The following HOPX variants were observed in gnomAD, a reference collection of about 807,000 sequenced individuals.
The protein encoded by HOPX is HOP homeobox.
A neutral mutation model predicts 11.8 loss-of-function variants in HOPX; 5 were observed. That is an observed-to-expected ratio of 0.43 (90% CI 0.22 to 0.89). The LOEUF (loss-of-function observed/expected upper bound fraction) is 0.89, where lower values mean the gene tolerates loss of function less well. Ranked by LOEUF, HOPX falls within the 40% of genes least tolerant of loss-of-function variation. The pLI, the probability that HOPX is intolerant of heterozygous loss-of-function variation, is 0.28. For missense variants in HOPX, 119 were observed against 120.0 expected (o/e 0.99, Z 0.04); for synonymous variants, 49 against 49.7 (o/e 0.99, Z 0.06).
chr4:56,655,768 G>A (rs1373541270), intron 3 of HOPX, 89 bp downstream of exon 3: 1 of 1,434,382 alleles, frequency 7.0e-7, no homozygotes, highest in Non-Finnish European at 9.5e-7. Flanking sequence ...GCAGCCCGGC[G>A]GGAGGCGCGG....
chr4:56,671,335 C>A (rs1718723329), intron 1 of HOPX, among the ~76,000 whole-genome samples: 1 of 152,010 alleles, frequency 6.6e-6, no homozygotes, highest in African/African-American at 2.4e-5. Flanking sequence ...CTGTCTACTG[C>A]AAGCAGACAG....
intron 1 of HOPX, chr4:56,662,498 T>C (rs1718201264): frequency 1.3e-5 from 2 of 150,842 alleles, no homozygotes; most frequent in African/African-American, 4.9e-5. Flanking sequence ...TTTTTTTTTT[T>C]AGACGGAGTC....
intron 1 of HOPX, among the ~76,000 whole-genome samples, chr4:56,662,059 A>C (rs1440281203): frequency 6.6e-6 from 1 of 152,224 alleles, no homozygotes; most frequent in Non-Finnish European, 1.5e-5. Context: ...AAAACCACAG[A>C]GATAGATTGA....
Position 56,656,024 on chromosome 4 carries a change from G to T in HOPX, c.43-12C>A. 1 of 1,564,340 alleles carries T rather than the reference G, an allele frequency of 6.4e-7. No individual in the cohort carries two copies. The highest frequency in any genetic ancestry group is 8.7e-7 in the Non-Finnish European group (1 of 1,155,240). ...ATGGTCCCTGCGCGCTGCGGGGCAGGGAGAAGCGGCGGCGGTGAGCGAGGC... is the reference window on the plus strand; with the variant it reads ...ATGGTCCCTGCGCGCTGCGGGGCAGTGAGAAGCGGCGGCGGTGAGCGAGGC... On this transcript the variant is annotated splice_polypyrimidine_tract_variant and intron_variant, in intron 2 of 3. Coordinates refer to ENST00000420433, the MANE Select transcript of HOPX (RefSeq NM_032495.6).
intron 1 of HOPX, among the ~76,000 whole-genome samples, chr4:56,661,477 A>G (rs1179632692): frequency 2.0e-5 from 3 of 152,208 alleles, no homozygotes; most frequent in Non-Finnish European, 4.4e-5. Flanking sequence ...GTAGGGGTAG[A>G]ACTCCTGGTT....
chr4:56,670,254 T>C (rs1195905110), intron 1 of HOPX, among the ~76,000 whole-genome samples: 1 of 152,086 alleles, frequency 6.6e-6, no homozygotes, highest in Non-Finnish European at 1.5e-5. Context: ...TCAAACCAGG[T>C]AATAGAGAAG....
intron 1 of HOPX, among the ~76,000 whole-genome samples, chr4:56,677,304 C>G (rs1719068821): frequency 1.3e-5 from 2 of 151,714 alleles, no homozygotes; most frequent in African/African-American, 4.9e-5. Flanking sequence ...ATACTGAAAA[C>G]CCACAATCTT....
chr4:56,673,767 T>A lies in HOPX; in HGVS notation c.-84+7488A>T, dbSNP rs562568626. On this transcript the variant is annotated intron_variant, in intron 1 of 3. Coordinates refer to ENST00000420433, the MANE Select transcript of HOPX (RefSeq NM_032495.6). ...TCACCCAGACTGGAGTGCAGTGCTG[T>A]GATCTTGGCTCCCTGCAGCCTTCGC... is the stretch of plus-strand genomic sequence containing the variant. Among the ~76,000 whole-genome samples, 5 of 152,302 alleles carry A rather than the reference T, an allele frequency of 3.3e-5. No individual in the cohort carries two copies. The East Asian group carries it at 9.6e-4, about 29-fold the overall frequency.
intron 1 of HOPX, chr4:56,679,191 G>C (rs991278462): frequency 6.6e-6 from 1 of 152,182 alleles, no homozygotes; most frequent in Non-Finnish European, 1.5e-5. Flanking sequence ...GCAGTGAGCC[G>C]AGATCGTGCT....
At chr4:56,659,035 G>A (rs1463434282) in intron 1 of HOPX, 2 of 152,214 alleles carry the variant, frequency 1.3e-5, no homozygotes, top group East Asian at 1.9e-4. Context: ...TTATAAACTA[G>A]CTCACAAAAA....
intron 1 of HOPX, among the ~76,000 whole-genome samples, chr4:56,675,412 G>T (rs1476168759): frequency 6.6e-6 from 1 of 151,538 alleles, no homozygotes; most frequent in Non-Finnish European, 1.5e-5. Flanking sequence ...GTAAAAGGAG[G>T]TGCTATTAAT....
chr4:56,667,098 A>T (rs1013662269), intron 1 of HOPX, among the ~76,000 whole-genome samples: 36 of 152,330 alleles, frequency 2.4e-4, no homozygotes, highest in African/African-American at 8.7e-4. Context: ...CACAACTTCA[A>T]CGTGTCCAGG....
intron 3 of HOPX, among the ~76,000 whole-genome samples, chr4:56,651,471 T>C (rs1717163827): frequency 6.6e-6 from 1 of 152,208 alleles, no homozygotes; most frequent in South Asian, 2.1e-4. Flanking sequence ...TCCACCTGGC[T>C]TTATCCTTCT....
Position 56,655,873 on chromosome 4 carries a change from G to T in HOPX, c.182C>A (p.Ser61Tyr), listed in dbSNP as rs1193194057. The stretch of plus-strand genomic sequence containing the variant: ...GGGACGCACCTGGGTCTCCTCCTCG[G>T]AAAGGCCTGCCTCGGCCGCGATGAG... ...LCLIAAEAGLSEEETQKWFKQ... is the reference protein window; with the variant it reads ...LCLIAAEAGLYEEETQKWFKQ... The change falls in exon 3 of 4, where the codon TCC becomes TAC. Residue 61 changes from serine to tyrosine, a missense_variant. Physicochemically the swap from Ser to Tyr is moderately radical, Grantham distance 144. Transcript: ENST00000420433. 1 of 1,611,580 alleles carries T rather than the reference G, an allele frequency of 6.2e-7. No homozygotes were observed. The highest frequency in any genetic ancestry group is 8.5e-7 in the Non-Finnish European group (1 of 1,178,944).
intron 3 of HOPX, chr4:56,650,870 T>A: frequency 6.8e-7 from 1 of 1,476,518 alleles, no homozygotes; most frequent in East Asian, 2.5e-5. Flanking sequence ...ATTCTACTGC[T>A]AAGGGTGGGC....
chr4:56,656,227 G>C, intron 2 of HOPX: 1 of 1,147,694 alleles, frequency 8.7e-7, no homozygotes, highest in Non-Finnish European at 1.1e-6. Flanking sequence ...GCGCTGTTGC[G>C]GGCTGACGGC....
In HOPX at chr4:56,648,512, T is replaced by C. The variant is rs768445644; in HGVS notation, c.*208A>G. On this transcript the variant is annotated 3_prime_UTR_variant, in exon 4 of 4. Transcript: ENST00000420433. ...CATTTTTCCAGTGAAGCCACTGCTT[T>C]ACACAGAAGATACACATAGCTTCCT... is the stretch of plus-strand genomic sequence containing the variant. 9.7e-6 allele frequency: 4 copies of C among 413,052 alleles called. No homozygotes were observed. The highest frequency in any genetic ancestry group is 1.7e-5 in the Non-Finnish European group (4 of 231,596). 25.6% of individuals were successfully genotyped at this position (413,052 alleles called of 1,614,324 possible).
chr4:56,660,963 A>G (rs1237567822), intron 1 of HOPX, among the ~76,000 whole-genome samples: 2 of 151,992 alleles, frequency 1.3e-5, no homozygotes, highest in Non-Finnish European at 2.9e-5. Flanking sequence ...ATTTTATTTC[A>G]ATTTTTTAGA....
In HOPX at chr4:56,657,888, T is replaced by G. The variant is rs866080230; in HGVS notation, c.-72A>C. The G allele has an allele frequency of 3.2e-6, 5 of 1,551,092 alleles. No homozygotes were observed. Among genetic ancestry groups the G allele is most frequent in the Non-Finnish European group, 4.4e-6 (5 of 1,146,840 alleles). On this transcript the variant is annotated 5_prime_UTR_variant, in exon 2 of 4. Transcript: ENST00000420433. ...CGCTAGACCCTTCTCAGTGGGGCAG[T>G]CTGTCATTAGTCTGGTAGGAAAAAT...
Sources: gnomAD v4.1 joint callset for allele counts (sites outside exome capture counted in the v4.1 genomes callset) on GRCh38, gnomAD v4.1.1 for gene constraint, MANE v1.5 for transcripts, NCBI Gene and HGNC (gene_info 2026-07-23, HGNC 2026-07-21) for gene names.